The following TSHZ2 variants were observed in gnomAD, a reference collection of about 807,000 sequenced individuals.
TSHZ2 encodes teashirt homolog 2.
Under a neutral mutation model 74.4 loss-of-function variants are expected in TSHZ2, and 21 were observed. The ratio of observed to expected loss-of-function variants is 0.28; its 90% CI spans 0.20 to 0.41. The LOEUF is 0.41. TSHZ2 is among the 10% of genes least tolerant of loss of function. The probability of loss-of-function intolerance (pLI) is 1.00; values close to 1 mark genes in which losing one functional copy is unlikely to be tolerated. For missense variants in TSHZ2, 1,244 were observed against 1,293.5 expected (o/e 0.96, Z 0.59); for synonymous variants, 540 against 515.3 (o/e 1.05, Z -0.65).
intron 2 of TSHZ2, among the ~76,000 whole-genome samples, chr20:53,413,796 C>A (rs551314625): frequency 2.2e-4 from 33 of 152,262 alleles, no homozygotes; most frequent in Non-Finnish European, 3.4e-4. Flanking sequence ...AGTGGAAATA[C>A]CAAGTGTCTA....
intron 2 of TSHZ2, among the ~76,000 whole-genome samples, chr20:53,465,340 G>A (rs1380912571): frequency 6.6e-6 from 1 of 152,060 alleles, no homozygotes; most frequent in African/African-American, 2.4e-5. Flanking sequence ...GCGCGATCTT[G>A]GCTCACAGCA....
chr20:53,328,870 C>T (rs902648677), intron 2 of TSHZ2, among the ~76,000 whole-genome samples: 2 of 152,106 alleles, frequency 1.3e-5, no homozygotes, highest in Admixed American at 1.3e-4. Context: ...TGTTTAAAGC[C>T]ATAACCCTGG....
intron 2 of TSHZ2, among the ~76,000 whole-genome samples, chr20:53,430,198 G>A (rs1349919932): frequency 6.6e-6 from 1 of 152,070 alleles, no homozygotes; most frequent in Non-Finnish European, 1.5e-5. Flanking sequence ...TCTGTCTCCA[G>A]GGTTGAAGCG....
At chr20:53,253,369 T>C in intron 1 of TSHZ2, 130 bp from the exon 2 acceptor site, 1 of 1,394,000 alleles carries the variant, frequency 7.2e-7, no homozygotes, top group Non-Finnish European at 9.5e-7. Flanking sequence ...TGTCCACTGC[T>C]CACAGTGCAT....
At chr20:53,474,106 T>C (rs1985916630) in intron 2 of TSHZ2, among the ~76,000 whole-genome samples, 1 of 149,854 alleles carries the variant, frequency 6.7e-6, no homozygotes, top group Non-Finnish European at 1.5e-5. Flanking sequence ...CAGGAGAACT[T>C]CCCCAATCTA....
At chr20:53,303,528 G>T (rs1257389056) in intron 2 of TSHZ2, among the ~76,000 whole-genome samples, 4 of 152,200 alleles carry the variant, frequency 2.6e-5, no homozygotes, top group Non-Finnish European at 5.9e-5. Flanking sequence ...GTTTTCAAGT[G>T]ATTAAAAGGC....
chr20:53,276,110 C>T (rs528281586), intron 2 of TSHZ2, among the ~76,000 whole-genome samples: 11 of 152,232 alleles, frequency 7.2e-5, no homozygotes, highest in Admixed American at 2.6e-4. Flanking sequence ...GGATGTATGC[C>T]GTCAGAACTT....
chr20:53,347,943 A>T (rs1223021061), intron 2 of TSHZ2, among the ~76,000 whole-genome samples: 1 of 152,194 alleles, frequency 6.6e-6, no homozygotes, highest in African/African-American at 2.4e-5. Context: ...TGACCCCGAA[A>T]AGAAACTCCC....
At chr20:53,422,451 C>A (rs539382611) in intron 2 of TSHZ2, among the ~76,000 whole-genome samples, 2 of 152,076 alleles carry the variant, frequency 1.3e-5, no homozygotes, top group Non-Finnish European at 2.9e-5. Flanking sequence ...CTATTATAGA[C>A]GAGACGAAAG....
At chr20:52,981,544 T>C (rs981116991) in intron 1 of TSHZ2, among the ~76,000 whole-genome samples, 13 of 152,194 alleles carry the variant, frequency 8.5e-5, no homozygotes, top group Non-Finnish European at 1.5e-4. Context: ...GGAAAATTTA[T>C]ATTAACTGGG....
intron 2 of TSHZ2, among the ~76,000 whole-genome samples, chr20:53,429,417 TC>T (rs1202953966): frequency 6.6e-6 from 1 of 152,230 alleles, no homozygotes; most frequent in Admixed American, 6.5e-5. Context: ...GGTAATCGAA[TC>T]ATGGGGGCGG....
intron 1 of TSHZ2, among the ~76,000 whole-genome samples, chr20:53,235,170 T>G: frequency 6.6e-6 from 1 of 150,474 alleles, no homozygotes; most frequent in South Asian, 2.1e-4. Flanking sequence ...GCGTGTTTGT[T>G]TGTTTGTTTG....
chr20:53,417,202 A>G (rs765390886), intron 2 of TSHZ2, among the ~76,000 whole-genome samples: 1 of 151,698 alleles, frequency 6.6e-6, no homozygotes, highest in East Asian at 1.9e-4. Flanking sequence ...TCTTGCAAAC[A>G]TCCCTGAGGA....
chr20:53,143,865 G>T (rs1486183333), intron 1 of TSHZ2, among the ~76,000 whole-genome samples: 1 of 152,154 alleles, frequency 6.6e-6, no homozygotes, highest in Non-Finnish European at 1.5e-5. Flanking sequence ...CGCAGAGCTG[G>T]CTGTATGGGA....
intron 2 of TSHZ2, among the ~76,000 whole-genome samples, chr20:53,344,518 G>A (rs894146448): frequency 2.0e-5 from 3 of 152,026 alleles, no homozygotes; most frequent in African/African-American, 7.3e-5. Context: ...TTACAGTTCT[G>A]GCCAAAAGTC....
At chr20:53,337,492 C>G (rs1173097932) in intron 2 of TSHZ2, among the ~76,000 whole-genome samples, 5 of 152,158 alleles carry the variant, frequency 3.3e-5, no homozygotes, top group African/African-American at 1.2e-4. Context: ...CCCCTGGTTA[C>G]CACAGAGGCT....
chr20:52,994,804 C>T (rs1391957578), intron 1 of TSHZ2, among the ~76,000 whole-genome samples: 1 of 152,302 alleles, frequency 6.6e-6, no homozygotes, highest in African/African-American at 2.4e-5. Context: ...CCTGTGTCTC[C>T]TTCCCTCTGT....
chr20:53,293,716 AAAG>A (rs932031348), intron 2 of TSHZ2, among the ~76,000 whole-genome samples: 8 of 147,804 alleles, frequency 5.4e-5, no homozygotes, highest in South Asian at 2.1e-4. Context: ...AAAAAAAAAA[AAAG>A]AAAAGAAACA....
chr20:52,991,857 C>T (rs1982010588), intron 1 of TSHZ2, among the ~76,000 whole-genome samples: 1 of 151,092 alleles, frequency 6.6e-6, no homozygotes, highest in Non-Finnish European at 1.5e-5. Flanking sequence ...TTGTGGTGGA[C>T]CTGGCATGTT....
Sources: gnomAD v4.1 joint callset for allele counts (sites outside exome capture counted in the v4.1 genomes callset) on GRCh38, gnomAD v4.1.1 for gene constraint, MANE v1.5 for transcripts, NCBI Gene and HGNC (gene_info 2026-07-23, HGNC 2026-07-21) for gene names.